RUFY2: variants seen among roughly 807,000 people sequenced by gnomAD.
The protein encoded by RUFY2 is RUN and FYVE domain containing 2, also known as RUN and FYVE domain-containing protein 2.
In RUFY2, 49 loss-of-function variants were observed where a neutral mutation model predicts 94.4. The observed-to-expected ratio is 0.52, with a 90% CI of 0.41 to 0.66. The LOEUF (loss-of-function observed/expected upper bound fraction) is 0.66. Among genes scored for constraint, RUFY2 ranks in the 30% least tolerant of loss-of-function variants. The pLI, the probability that RUFY2 is intolerant of heterozygous loss-of-function variation, is 0.00. For synonymous variants in RUFY2, 255 were observed against 235.7 expected (o/e 1.08, Z -0.75); for missense variants, 541 against 692.8 (o/e 0.78, Z 2.46).
chr10:68,396,615 T>C (rs1338899050), intron 4 of RUFY2, among the ~76,000 whole-genome samples, 165 bp downstream of exon 4: 1 of 152,190 alleles, frequency 6.6e-6, no homozygotes, highest in Non-Finnish European at 1.5e-5. Flanking sequence ...TCCTGATCCA[T>C]GTTATGTCTC....
downstream of RUFY2, chr10:68,342,044 G>A: frequency 6.2e-7 from 1 of 1,613,100 alleles, no homozygotes; most frequent in South Asian, 1.1e-5. Flanking sequence ...GGATGGCGTG[G>A]GATGTACTGA....
intron 16 of RUFY2, among the ~76,000 whole-genome samples, chr10:68,351,642 G>T (rs2046683634): frequency 6.7e-6 from 1 of 150,040 alleles, no homozygotes; most frequent in Non-Finnish European, 1.5e-5. Flanking sequence ...TAGAGGCGGG[G>T]TTTCACCATG....
intron 3 of RUFY2, among the ~76,000 whole-genome samples, chr10:68,397,895 G>A (rs1299777567): frequency 4.0e-5 from 6 of 151,596 alleles, no homozygotes; most frequent in African/African-American, 9.7e-5. Context: ...TTGGGAGGCC[G>A]AGGCGAGCGG....
At chr10:68,366,743 T>A (rs975035649) in intron 13 of RUFY2, among the ~76,000 whole-genome samples, 67 of 137,486 alleles carry the variant, frequency 4.9e-4, no homozygotes, top group Middle Eastern at 3.7e-3. Flanking sequence ...CTCTAAAATA[T>A]ATATATATAT....
intron 1 of RUFY2, chr10:68,405,663 T>C (rs2133291723): frequency 1.0e-6 from 1 of 970,874 alleles, no homozygotes; most frequent in South Asian, 4.8e-5. Context: ...ACAGGTAAAA[T>C]ACACTGACAA....
At chr10:68,361,284 A>G (rs7086831) in intron 15 of RUFY2, among the ~76,000 whole-genome samples, 15,583 of 152,142 alleles carry the variant, frequency 0.1, 1,046 homozygotes, top group South Asian at 0.24. Flanking sequence ...CCTCTCAAAG[A>G]GAAAAAAAAA....
intron 8 of RUFY2, 82 bp from the exon 9 acceptor site, chr10:68,384,234 A>G (rs1050750132): frequency 3.7e-5 from 53 of 1,432,730 alleles, no homozygotes; most frequent in Non-Finnish European, 4.8e-5. Context: ...GGCCATAAAC[A>G]TCAGAAAATA....
In RUFY2 at chr10:68,407,207, G is replaced by T. The variant is rs1215757304; in HGVS notation, c.-18C>A. On this transcript the variant is annotated 5_prime_UTR_variant, in exon 1 of 18. Transcript: ENST00000602465. ...TTACCCATGGCGGCGGCGGCTGCGC[G>T]GTCTCGGGCGGAGGCTCCCTCGGCC... The T allele has an allele frequency of 6.4e-6, 9 of 1,406,264 alleles. No homozygotes were observed. In the African/African-American group the frequency reaches 1.2e-4, roughly 19 times the overall value. The allele number at this position is 1,406,264 out of a possible 1,614,324, so 87.1% of individuals were successfully genotyped here.
intron 13 of RUFY2, among the ~76,000 whole-genome samples, chr10:68,366,861 TATTAAA>T: frequency 7.4e-6 from 1 of 136,046 alleles, no homozygotes; most frequent in Non-Finnish European, 1.6e-5. Flanking sequence ...TAAATAAATA[TATTAAA>T]TAAATATATA....
intron 13 of RUFY2, among the ~76,000 whole-genome samples, chr10:68,368,926 C>G (rs1356035170): frequency 1.3e-5 from 2 of 152,140 alleles, no homozygotes; most frequent in Admixed American, 1.3e-4. Context: ...AATAAATGCC[C>G]TATTCCAGCA....
chr10:68,376,436 A>G (rs1251651310), intron 13 of RUFY2, among the ~76,000 whole-genome samples: 2 of 58,304 alleles, frequency 3.4e-5, no homozygotes. Flanking sequence ...TCTCAAAAAA[A>G]TGTGTGTATA....
chr10:68,398,998 A>G (rs575857731), intron 3 of RUFY2, among the ~76,000 whole-genome samples: 75 of 152,224 alleles, frequency 4.9e-4, no homozygotes, highest in African/African-American at 1.6e-3. Flanking sequence ...CTGATATACC[A>G]AAAATATCAA....
chr10:68,343,175 G>A (rs1428658922), downstream of RUFY2: 1 of 152,180 alleles, frequency 6.6e-6, no homozygotes, highest in Non-Finnish European at 1.5e-5. Flanking sequence ...ATTAATAAAT[G>A]TCATTGTGGG....
At chr10:68,400,795 G>A (rs951723505) in intron 3 of RUFY2, among the ~76,000 whole-genome samples, 8 of 152,002 alleles carry the variant, frequency 5.3e-5, no homozygotes, top group East Asian at 1.9e-4. Context: ...GGCGGATCAC[G>A]AGGTCAGGAG....
At chr10:68,398,271 C>T (rs937206137) in intron 3 of RUFY2, among the ~76,000 whole-genome samples, 4 of 152,048 alleles carry the variant, frequency 2.6e-5, no homozygotes. Flanking sequence ...CACTGTGCTG[C>T]TTACTGGTTT....
At chr10:68,358,598 T>A (rs2047215725) in intron 15 of RUFY2, among the ~76,000 whole-genome samples, 1 of 152,222 alleles carries the variant, frequency 6.6e-6, no homozygotes, top group Non-Finnish European at 1.5e-5. Flanking sequence ...TAAAGTGGCT[T>A]AATGATATTC....
Position 68,347,278 on chromosome 10 carries a change from C to CTT in RUFY2, c.1600-1196_1600-1195dup, listed in dbSNP as rs66465620. Among the ~76,000 whole-genome samples, 174 of 86,568 alleles carry CTT rather than the reference C, an allele frequency of 2.0e-3. 2 individuals carry two copies. Among genetic ancestry groups the CTT allele is most frequent in the Middle Eastern group, 9.3e-3 (1 of 108 alleles). The allele number at this position is 86,568 out of a possible 152,430, so 56.8% of individuals were successfully genotyped here. On this transcript the variant is annotated intron_variant, in intron 16 of 17. Coordinates refer to ENST00000602465, the MANE Select transcript of RUFY2 (RefSeq NM_001330103.2). ...AAGCAGTATTTATGACAACTTGACCCTTTTTTTTTTTTTTTTTTTTTTTGA... is the reference window on the plus strand; with the variant it reads ...AAGCAGTATTTATGACAACTTGACCCTTTTTTTTTTTTTTTTTTTTTTTTTGA...
At chr10:68,370,682 G>A (rs1208758839) in intron 13 of RUFY2, among the ~76,000 whole-genome samples, 3 of 151,764 alleles carry the variant, frequency 2.0e-5, no homozygotes, top group Admixed American at 6.6e-5. Context: ...AACAACAAAA[G>A]AAAACAGATC....
intron 14 of RUFY2, 142 bp from the exon 15 acceptor site, chr10:68,363,826 G>T: frequency 1.2e-6 from 1 of 819,794 alleles, no homozygotes; most frequent in Non-Finnish European, 1.8e-6. Flanking sequence ...TTTCCTAGCT[G>T]CTGTATCAAC....
Sources: gnomAD v4.1 joint callset for allele counts (sites outside exome capture counted in the v4.1 genomes callset) on GRCh38, gnomAD v4.1.1 for gene constraint, MANE v1.5 for transcripts, NCBI Gene and HGNC (gene_info 2026-07-23, HGNC 2026-07-21) for gene names.